The following ARHGEF25 variants were observed in gnomAD, a reference collection of about 807,000 sequenced individuals.
The protein encoded by ARHGEF25 is RAC/CDC42 exchange factor.
A neutral mutation model predicts 74.0 loss-of-function variants in ARHGEF25; 42 were observed. The observed-to-expected ratio is 0.57, with a 90% CI of 0.44 to 0.73. ARHGEF25 has a LOEUF of 0.73. Among genes scored for constraint, ARHGEF25 ranks in the 30% least tolerant of loss-of-function variants. The probability of loss-of-function intolerance (pLI) is 0.00; values close to 1 mark genes in which losing one functional copy is unlikely to be tolerated. For synonymous variants in ARHGEF25, 293 were observed against 278.6 expected, an observed-to-expected ratio of 1.05 and a Z score of -0.51; for missense variants, 645 against 725.5, an observed-to-expected ratio of 0.89 and a Z score of 1.27.
chr12:57,616,365 G>C lies in ARHGEF25; in HGVS notation c.1502G>C (p.Ser501Thr). 1.9e-6 allele frequency: 3 copies of C among 1,614,088 alleles called. No homozygotes were observed. Among genetic ancestry groups the C allele is most frequent in the Non-Finnish European group, 2.5e-6 (3 of 1,180,020 alleles). The stretch of plus-strand genomic sequence containing the variant: ...CGGCCAAGAGGGCCTGGAGTGGGGA[G>C]CCCTGGAAGAATTCAGCTTGGAGAT... ...LGRPRGPGVG[S>T]PGRIQLGDQA... Residue 501 changes from serine (S) to threonine (T), a missense_variant, in exon 14 of 15, where the codon AGC (serine) becomes ACC (threonine). Physicochemically the swap from Ser to Thr is moderately conservative, Grantham distance 58 (BLOSUM62 1). Around this residue, in one of 3 missense-constraint regions of ARHGEF25, gnomAD observed 262 missense variants for 256.9 expected, o/e 1.02. Transcript: ENST00000286494.
At chr12:57,612,803 G>T in intron 1 of ARHGEF25, 127 bp from the exon 2 acceptor site, 10 of 1,500,698 alleles carry the variant, frequency 6.7e-6, no homozygotes, top group Non-Finnish European at 8.9e-6. Flanking sequence ...AATGAGGATG[G>T]CAAGAGAGTG....
chr12:57,611,218 G>A (rs537809438), upstream of ARHGEF25, among the ~76,000 whole-genome samples: 1 of 152,196 alleles, frequency 6.6e-6, no homozygotes, highest in Non-Finnish European at 1.5e-5. The surrounding 1 kb of genome is among the most constrained non-coding windows in gnomAD (Gnocchi z 4.5). Flanking sequence ...GCGCTCCGCA[G>A]AGCCCGGGAT....
Position 57,613,046 on chromosome 12 carries a change from C to A in ARHGEF25, c.214C>A (p.Pro72Thr). ...LSSGPCSPGP[P>T]GPVSGLRRWL... ...CTCTGGCCCCTGTTCCCCAGGCCCC[C>A]CAGGGCCCGTCAGTGGCCTGAGGAG... is the stretch of plus-strand genomic sequence containing the variant. Residue 72 changes from proline to threonine, a missense_variant, in exon 2 of 15, where the codon CCA becomes ACA. By Grantham distance (38) the Pro-to-Thr change is conservative. Around this residue, in one of 3 missense-constraint regions of ARHGEF25, gnomAD observed 189 missense variants for 199.1 expected, o/e 0.95. Coordinates refer to ENST00000286494, the MANE Select transcript of ARHGEF25 (RefSeq NM_182947.4). 6.2e-7 allele frequency: 1 copy of A among 1,614,152 alleles called. No individual in the cohort carries two copies. The highest frequency in any genetic ancestry group is 8.5e-7 in the Non-Finnish European group (1 of 1,179,990).
In ARHGEF25 at chr12:57,615,322, G is replaced by C. The variant is rs1236462621; in HGVS notation, c.1038+8G>C. 1 of 1,601,542 alleles carries C rather than the reference G, an allele frequency of 6.2e-7. No homozygotes were observed. Among genetic ancestry groups the C allele is most frequent in the East Asian group, 2.2e-5 (1 of 44,736 alleles). On this transcript the variant is annotated splice_region_variant and intron_variant, in intron 11 of 14. Coordinates refer to ENST00000286494, the MANE Select transcript of ARHGEF25 (RefSeq NM_182947.4). ...AGATTGCGGGGATTTGAGGTACGGA[G>C]ATAGGGCAAGAAACTGGAGGCCCGA...
chr12:57,610,617 T>C, upstream of ARHGEF25: 1 of 1,612,598 alleles, frequency 6.2e-7, no homozygotes, highest in East Asian at 2.2e-5. Flanking sequence ...AGCCAGAGTC[T>C]GAACGTACGG....
In ARHGEF25 at chr12:57,611,653, C is replaced by A; in HGVS notation, c.-242C>A. 1 of 1,092,638 alleles carries A rather than the reference C, an allele frequency of 9.2e-7. No homozygotes were observed. The highest frequency in any genetic ancestry group is 1.1e-6 in the Non-Finnish European group (1 of 898,812). 67.7% of individuals were successfully genotyped at this position (1,092,638 alleles called of 1,614,324 possible). ...CACCGACAGGGTTCCGGAAACCCTC[C>A]CCGCCCAGCCCGGCGGCCGGGCCCC... On this transcript the variant is annotated 5_prime_UTR_variant, in exon 1 of 15. Transcript: ENST00000286494. The surrounding 1 kb of genome is among the most constrained non-coding windows in gnomAD (Gnocchi z 4.5).
At position 57,613,509 on chromosome 12, in the gene ARHGEF25, A is replaced by G. The variant is rs775468569; in HGVS notation, c.478A>G (p.Arg160Gly). The change falls in exon 4 of 15, where the codon AGG becomes GGG. Residue 160 changes from arginine to glycine, a missense_variant. By Grantham distance (125) the Arg-to-Gly change is moderately radical. Around this residue, in one of 3 missense-constraint regions of ARHGEF25, gnomAD observed 194 missense variants for 269.4 expected, o/e 0.72. Coordinates refer to ENST00000286494, the MANE Select transcript of ARHGEF25 (RefSeq NM_182947.4). ...EEEQKKKALE[R>G]SMYVLSELVE... is the part of the protein sequence containing the mutation. ...GGAACAGAAGAAGAAGGCTCTGGAA[A>G]GGAGTATGTAAGTGTCCACAGCCCT... The G allele has an allele frequency of 1.2e-6, 2 of 1,614,226 alleles. No homozygotes were observed. Among genetic ancestry groups the G allele is most frequent in the South Asian group, 1.1e-5 (1 of 91,086 alleles).
Position 57,615,982 on chromosome 12 carries a change from C to T in ARHGEF25, c.1385C>T (p.Ala462Val), listed in dbSNP as rs201365302. Residue 462 changes from alanine to valine, a missense_variant, in exon 13 of 15, where the codon GCT becomes GTT. This residue lies in a region of ARHGEF25 where 262 missense variants were observed against 256.9 expected (regional missense o/e 1.02). Transcript: ENST00000286494. The part of the protein sequence containing the change: ...AISQAWIKHV[A>V]QILESQRDFL... ...AGTCAGGCCTGGATCAAGCATGTGGCTCAGATCTTGGAGAGCCAACGGGAC... is the reference window on the plus strand; with the variant it reads ...AGTCAGGCCTGGATCAAGCATGTGGTTCAGATCTTGGAGAGCCAACGGGAC... The T allele has an allele frequency of 2.0e-5, 33 of 1,613,672 alleles. No individual in the cohort carries two copies. The African/African-American group carries it at 2.9e-4, about 14-fold the overall frequency.
chr12:57,616,674 T>A, intron 14 of ARHGEF25, 110 bp from the exon 15 acceptor site: 1 of 986,924 alleles, frequency 1.0e-6, no homozygotes, highest in Non-Finnish European at 1.6e-6. Context: ...TCAGACAGTC[T>A]AAGATATCTA....
chr12:57,615,873 G>A lies in ARHGEF25; in HGVS notation c.1276G>A (p.Asp426Asn), dbSNP rs1395062477. ...GGGACTGGAGGGGAACCTCCAAGGT[G>A]ACCCTTGCCGCTTTGCACTGACCTC... The part of the protein sequence containing the change: ...CLGLEGNLQG[D>N]PCRFALTSRG... The change falls in exon 13 of 15, where the codon GAC becomes AAC. Residue 426 changes from aspartate to asparagine, a missense_variant. Asp to Asn is a conservative substitution (Grantham distance 23). Transcript: ENST00000286494. 1.2e-6 allele frequency: 2 copies of A among 1,614,090 alleles called. No homozygotes were observed. The highest frequency in any genetic ancestry group is 1.7e-6 in the Non-Finnish European group (2 of 1,179,980).
upstream of ARHGEF25, chr12:57,610,324 G>T: frequency 6.7e-7 from 1 of 1,483,956 alleles, no homozygotes; most frequent in South Asian, 1.3e-5. Context: ...GGGTAAGAAT[G>T]GGGGCTCGCG....
rs1432852769 is a variant in ARHGEF25 at position 57,615,879 on chromosome 12, T to C, written c.1282T>C (p.Cys428Arg). The change falls in exon 13 of 15, where the codon TGC (cysteine) becomes CGC (arginine). Residue 428 changes from cysteine (C) to arginine (R), a missense_variant. Coordinates refer to ENST00000286494, the MANE Select transcript of ARHGEF25 (RefSeq NM_182947.4). The part of the protein sequence containing the change: ...GLEGNLQGDP[C>R]RFALTSRGPE... Reference sequence around the variant, plus strand: ...GGAGGGGAACCTCCAAGGTGACCCTTGCCGCTTTGCACTGACCTCCAGAGG... The same window carrying C: ...GGAGGGGAACCTCCAAGGTGACCCTCGCCGCTTTGCACTGACCTCCAGAGG... 6.2e-7 allele frequency: 1 copy of C among 1,614,102 alleles called. No homozygotes were observed. The highest frequency in any genetic ancestry group is 8.5e-7 in the Non-Finnish European group (1 of 1,179,980).
At position 57,614,192 on chromosome 12, in the gene ARHGEF25, G is replaced by T; in HGVS notation, c.656+73G>T. The T allele has an allele frequency of 6.3e-7, 1 of 1,586,152 alleles. No homozygotes were observed. Among genetic ancestry groups the T allele is most frequent in the Non-Finnish European group, 8.7e-7 (1 of 1,155,294 alleles). On this transcript the variant is annotated intron_variant, in intron 6 of 14. Transcript: ENST00000286494. The surrounding 1 kb of genome is among the most constrained non-coding windows in gnomAD (Gnocchi z 4.6). ...CTGGTTGTCCTGTATCCTAACATCA[G>T]CCCATTGCGACTTAAGGAATGTTTG...
At position 57,615,565 on chromosome 12, in the gene ARHGEF25, C is replaced by T. The variant is rs775041926; in HGVS notation, c.1092C>T (p.Thr364=). Residue 364 remains threonine, a synonymous_variant, in exon 12 of 15, where the codon ACC becomes ACT. Coordinates refer to ENST00000286494, the MANE Select transcript of ARHGEF25 (RefSeq NM_182947.4). ...KLLGQDTFWV[T]EPEAGGLLSS... is the part of the protein sequence containing the mutation. ...TGGGCCAGGACACTTTCTGGGTCAC[C>T]GAGCCTGAGGCTGGAGGGCTGCTGT... The T allele has an allele frequency of 1.6e-5, 26 of 1,614,130 alleles. No homozygotes were observed. The highest frequency in any genetic ancestry group is 8.3e-5 in the Admixed American group (5 of 60,018).
Position 57,616,885 on chromosome 12 carries a change from T to C in ARHGEF25, c.1734T>C (p.Asp578=), listed in dbSNP as rs779166128. 1.2e-6 allele frequency: 2 copies of C among 1,611,430 alleles called. No homozygotes were observed. Among genetic ancestry groups the C allele is most frequent in the Admixed American group, 1.7e-5 (1 of 60,014 alleles). ...CQARLAKLDE[D]EL ...CCAGACTTGCCAAGCTGGATGAAGA[T>C]GAGCTGTAACTGGTGAAAACCATGG... The change falls in exon 15 of 15, where the codon GAT becomes GAC. Residue 578 remains aspartate (D), a synonymous_variant. Transcript: ENST00000286494.
intron 13 of ARHGEF25, 102 bp from the exon 14 acceptor site, chr12:57,616,182 T>C: frequency 2.7e-6 from 4 of 1,457,730 alleles, no homozygotes; most frequent in East Asian, 4.6e-5. Flanking sequence ...GCAATTGACA[T>C]TGGCTGACAG....
intron 5 of ARHGEF25, 104 bp from the exon 6 acceptor site, chr12:57,613,912 A>C: frequency 6.8e-7 from 1 of 1,461,452 alleles, no homozygotes; most frequent in Non-Finnish European, 9.5e-7. Flanking sequence ...GGCTCCCACC[A>C]GGGAGGGGGA....
At chr12:57,610,695 G>C, upstream of ARHGEF25, 4 of 1,605,324 alleles carry the variant, frequency 2.5e-6, no homozygotes, top group Non-Finnish European at 3.4e-6. Context: ...GTAAGAAGCT[G>C]GGGGTGGGGT....
At chr12:57,613,874 C>G in intron 5 of ARHGEF25, 114 bp downstream of exon 5, 1 of 1,489,904 alleles carries the variant, frequency 6.7e-7, no homozygotes, top group Non-Finnish European at 9.2e-7. Flanking sequence ...CTCCCCACTC[C>G]TGGACCTTCC....
Sources: allele counts gnomAD v4.1 joint callset (sites outside exome capture counted in the v4.1 genomes callset), GRCh38; gene constraint gnomAD v4.1.1; regional missense constraint gnomAD v4.1.1; non-coding constraint Gnocchi (gnomAD v3.1); transcripts MANE v1.5; gene names NCBI Gene and HGNC (gene_info 2026-07-23, HGNC 2026-07-21).